Variants in FHIT observed in about 807,000 individuals in gnomAD.
FHIT encodes the protein fragile histidine triad diadenosine triphosphatase, also known as bis(5'-adenosyl)-triphosphatase.
In FHIT, 19 loss-of-function variants were observed where a neutral mutation model predicts 17.9. That is an observed-to-expected ratio of 1.06 (90% CI 0.74 to 1.56). The LOEUF is 1.56. Ranked by LOEUF, FHIT falls within the 40% of genes most tolerant of loss-of-function variation. The probability of loss-of-function intolerance (pLI) is 0.00; values close to 1 mark genes in which losing one functional copy is unlikely to be tolerated. For synonymous variants in FHIT, 81 were observed against 69.7 expected, an observed-to-expected ratio of 1.16 and a Z score of -0.81; for missense variants, 248 against 189.2, an observed-to-expected ratio of 1.31 and a Z score of -1.82.
intron 8 of FHIT, among the ~76,000 whole-genome samples, chr3:59,859,879 G>A (rs769146850): frequency 5.3e-5 from 8 of 152,216 alleles, no homozygotes; most frequent in Non-Finnish European, 1.2e-4. Flanking sequence ...CCTGTGGACT[G>A]AATGGTAGTG....
intron 5 of FHIT, among the ~76,000 whole-genome samples, chr3:60,083,552 TTAA>T (rs1559617324): frequency 1.3e-5 from 2 of 152,158 alleles, no homozygotes; most frequent in African/African-American, 2.4e-5. Flanking sequence ...CATTGCCATA[TTAA>T]TGATACTGAT....
At chr3:60,579,184 C>T (rs782753464) in intron 4 of FHIT, among the ~76,000 whole-genome samples, 2 of 152,070 alleles carry the variant, frequency 1.3e-5, no homozygotes, top group East Asian at 1.9e-4. Flanking sequence ...CATAAGAGTG[C>T]ACTTACACAA....
At chr3:60,297,676 A>G (rs1418863209) in intron 5 of FHIT, among the ~76,000 whole-genome samples, 1 of 152,084 alleles carries the variant, frequency 6.6e-6, no homozygotes. Context: ...GAAAGTATTA[A>G]AAGTATCAGA....
At position 61,071,095 on chromosome 3, in the gene FHIT, C is replaced by T. The variant is rs554403974; in HGVS notation, c.-163-28996G>A. Among the ~76,000 whole-genome samples the T allele has an allele frequency of 3.2e-4, 49 of 152,152 alleles. No homozygotes were observed. In the South Asian group the frequency reaches 4.0e-3, roughly 12 times the overall value. On this transcript the variant is annotated intron_variant, in intron 2 of 9. Coordinates refer to ENST00000492590, the MANE Select transcript of FHIT (RefSeq NM_002012.4). ...ATCTTATATGGGGTTCCATTTTTGC[C>T]TTGTACAATTAATACAAGAAGCATA...
chr3:60,632,710 T>C (rs79115430), intron 4 of FHIT, among the ~76,000 whole-genome samples: 7,496 of 152,274 alleles, frequency 0.049, 287 homozygotes, highest in Non-Finnish European at 0.075. Context: ...TATCTTTATC[T>C]TATTCTCAAT....
Position 59,922,378 on chromosome 3 carries a change from C to G in FHIT, c.316G>C (p.Asp106His), listed in dbSNP as rs1284270222. 30 of 1,613,876 alleles carry G rather than the reference C, an allele frequency of 1.9e-5. No homozygotes were observed. Among genetic ancestry groups the G allele is most frequent in the Non-Finnish European group, 2.3e-5 (27 of 1,179,974 alleles). Reference protein sequence around the residue: ...HVHVLPRKAGDFHRNDSIYEE... With the variant: ...HVHVLPRKAGHFHRNDSIYEE... ...TAGATGCTGTCATTCCTGTGAAAGT[C>G]TCCAGCCTTCCTGGGAAGAACATGG... Residue 106 changes from aspartate to histidine, a missense_variant, in exon 8 of 10, where the codon GAC becomes CAC. Coordinates refer to ENST00000492590, the MANE Select transcript of FHIT (RefSeq NM_002012.4).
intron 5 of FHIT, among the ~76,000 whole-genome samples, chr3:60,190,166 G>A (rs1702339200): frequency 1.3e-5 from 2 of 152,098 alleles, no homozygotes; most frequent in South Asian, 4.1e-4. Flanking sequence ...AACAACATTT[G>A]GAAAGTTGAA....
chr3:60,059,037 G>C (rs1702198087), intron 5 of FHIT, among the ~76,000 whole-genome samples: 1 of 152,172 alleles, frequency 6.6e-6, no homozygotes, highest in Non-Finnish European at 1.5e-5. Context: ...CAGTAGGTAG[G>C]TAGTCAGGCG....
chr3:60,054,655 A>G (rs1702010863), intron 5 of FHIT, among the ~76,000 whole-genome samples: 1 of 152,184 alleles, frequency 6.6e-6, no homozygotes, highest in African/African-American at 2.4e-5. Context: ...TATTAATAAT[A>G]CCCAACACAG....
At chr3:60,931,107 C>A (rs561510050) in intron 3 of FHIT, among the ~76,000 whole-genome samples, 4 of 151,752 alleles carry the variant, frequency 2.6e-5, no homozygotes, top group Non-Finnish European at 4.4e-5. Flanking sequence ...AGCAAACTAT[C>A]GCAAGGAGAA....
chr3:59,883,630 C>T (rs1703497840), intron 8 of FHIT, among the ~76,000 whole-genome samples: 1 of 152,172 alleles, frequency 6.6e-6, no homozygotes, highest in African/African-American at 2.4e-5. Flanking sequence ...GGGACACAGC[C>T]AAACCATATC....
chr3:60,347,422 A>G (rs1261851745), intron 5 of FHIT, among the ~76,000 whole-genome samples: 1 of 152,186 alleles, frequency 6.6e-6, no homozygotes, highest in Non-Finnish European at 1.5e-5. Context: ...GTTAAGAGAC[A>G]TGTTTACAAA....
chr3:60,780,272 T>C (rs1377624735), intron 4 of FHIT, among the ~76,000 whole-genome samples: 2 of 152,146 alleles, frequency 1.3e-5, no homozygotes, highest in East Asian at 3.9e-4. Context: ...TAATAGGTAA[T>C]TGTGTCTCCA....
chr3:60,194,526 G>C (rs1334174306), intron 5 of FHIT, among the ~76,000 whole-genome samples: 3 of 152,004 alleles, frequency 2.0e-5, no homozygotes, highest in Admixed American at 1.3e-4. Context: ...TATTGGCCTA[G>C]GCAAACAATC....
intron 4 of FHIT, among the ~76,000 whole-genome samples, chr3:60,750,446 C>T (rs1001774051): frequency 2.0e-5 from 3 of 152,106 alleles, no homozygotes; most frequent in Admixed American, 2.0e-4. Flanking sequence ...AGGAACCCAG[C>T]AGGAGGTGAT....
At chr3:59,889,999 C>T (rs1703786454) in intron 8 of FHIT, among the ~76,000 whole-genome samples, 1 of 152,156 alleles carries the variant, frequency 6.6e-6, no homozygotes, top group South Asian at 2.1e-4. Context: ...TTAGGCAAAG[C>T]TTTAGGCCTT....
chr3:60,887,001 T>C (rs1417798094), intron 3 of FHIT, among the ~76,000 whole-genome samples: 1 of 152,226 alleles, frequency 6.6e-6, no homozygotes, highest in African/African-American at 2.4e-5. Flanking sequence ...TTTGACTATA[T>C]TTGCAAATGT....
At chr3:60,756,282 G>T (rs555479975) in intron 4 of FHIT, among the ~76,000 whole-genome samples, 1 of 152,284 alleles carries the variant, frequency 6.6e-6, no homozygotes, top group African/African-American at 2.4e-5. Context: ...GTGTAATGGG[G>T]TGAGTATTGT....
chr3:60,705,506 A>G (rs2041351213), intron 4 of FHIT, among the ~76,000 whole-genome samples: 2 of 152,242 alleles, frequency 1.3e-5, no homozygotes, highest in Admixed American at 6.5e-5. Context: ...TTTTTAAAAA[A>G]TAGAAAAGGA....
Sources: allele counts gnomAD v4.1 joint callset (sites outside exome capture counted in the v4.1 genomes callset), GRCh38; gene constraint gnomAD v4.1.1; transcripts MANE v1.5; gene names NCBI Gene and HGNC (gene_info 2026-07-23, HGNC 2026-07-21).